EYS: variants seen among roughly 807,000 people sequenced by gnomAD.
EYS encodes EGF-like photoreceptor maintenance factor.
EYS carries 250 observed loss-of-function variants against 282.1 expected under a neutral mutation model. That is an observed-to-expected ratio of 0.89 (90% CI 0.80 to 0.98). The LOEUF is 0.98. Among genes scored for constraint, EYS ranks in the 50% least tolerant of loss-of-function variants. The pLI, the probability that EYS is intolerant of heterozygous loss-of-function variation, is 0.00. For synonymous variants in EYS, 1,355 were observed against 1,282.9 expected, an observed-to-expected ratio of 1.06 and a Z score of -1.20; for missense variants, 4,016 against 3,709.0, an observed-to-expected ratio of 1.08 and a Z score of -2.15.
chr6:65,289,684 C>T (rs1246804040), intron 12 of EYS, among the ~76,000 whole-genome samples: 1 of 151,114 alleles, frequency 6.6e-6, no homozygotes, highest in Non-Finnish European at 1.5e-5. Context: ...TCCAACATTC[C>T]TAACTCCTTC....
At chr6:65,181,188 A>G (rs1251875209) in intron 12 of EYS, among the ~76,000 whole-genome samples, 1 of 152,182 alleles carries the variant, frequency 6.6e-6, no homozygotes, top group African/African-American at 2.4e-5. Context: ...AATGGCAACA[A>G]AAGCCAAAAT....
intron 29 of EYS, among the ~76,000 whole-genome samples, chr6:64,320,599 T>C (rs1384208670): frequency 6.6e-6 from 1 of 151,758 alleles, no homozygotes; most frequent in African/African-American, 2.4e-5. Flanking sequence ...TTTTCTTCAG[T>C]CCTTAGACAA....
intron 8 of EYS, among the ~76,000 whole-genome samples, chr6:65,370,793 T>C (rs1488514523): frequency 6.6e-6 from 1 of 151,936 alleles, no homozygotes; most frequent in African/African-American, 2.4e-5. Flanking sequence ...TCCCTCCAAA[T>C]AGGGTTCCAC....
At chr6:64,975,263 ATTAAT>A (rs1001109270) in intron 14 of EYS, among the ~76,000 whole-genome samples, 5 of 151,812 alleles carry the variant, frequency 3.3e-5, no homozygotes, top group African/African-American at 1.2e-4. Flanking sequence ...ACCCGCCTGT[ATTAAT>A]TTATGTGCAA....
At chr6:63,750,096 G>GT (rs1769306103) in intron 41 of EYS, among the ~76,000 whole-genome samples, 1 of 152,060 alleles carries the variant, frequency 6.6e-6, no homozygotes, top group Non-Finnish European at 1.5e-5. Context: ...ATAGGTTTCT[G>GT]TTTTTTAATA....
intron 19 of EYS, among the ~76,000 whole-genome samples, chr6:64,836,758 A>G (rs962226403): frequency 6.6e-6 from 1 of 151,674 alleles, no homozygotes; most frequent in African/African-American, 2.4e-5. Context: ...GAGCAATTTT[A>G]GTGAAATGCT....
At chr6:63,930,922 G>A (rs187108369) in intron 35 of EYS, among the ~76,000 whole-genome samples, 1 of 152,268 alleles carries the variant, frequency 6.6e-6, no homozygotes, top group African/African-American at 2.4e-5. Flanking sequence ...GCATTTCCTT[G>A]AGTCTTTCTA....
intron 22 of EYS, among the ~76,000 whole-genome samples, chr6:64,685,504 CTG>C (rs1315138476): frequency 1.3e-5 from 2 of 152,038 alleles, no homozygotes; most frequent in African/African-American, 4.8e-5. Context: ...AGTTCCAACT[CTG>C]TAGTTTCCAG....
chr6:63,792,191 C>A (rs939680736), intron 37 of EYS, among the ~76,000 whole-genome samples: 2 of 151,654 alleles, frequency 1.3e-5, no homozygotes, highest in African/African-American at 4.8e-5. Flanking sequence ...ACTGGGGATG[C>A]ACCAAGAGGA....
chr6:63,934,951 G>T (rs558913565), intron 35 of EYS, among the ~76,000 whole-genome samples: 6 of 152,150 alleles, frequency 3.9e-5, no homozygotes, highest in African/African-American at 1.4e-4. Flanking sequence ...AAAACTACCT[G>T]CTTTTTTTCT....
intron 12 of EYS, among the ~76,000 whole-genome samples, chr6:65,244,140 G>T (rs1228580212): frequency 1.3e-5 from 2 of 152,150 alleles, no homozygotes; most frequent in Non-Finnish European, 2.9e-5. Flanking sequence ...AGATTTTCCA[G>T]TTAGGCTTGT....
chr6:63,924,212 G>A (rs1052156318), intron 35 of EYS, among the ~76,000 whole-genome samples: 1 of 152,192 alleles, frequency 6.6e-6, no homozygotes, highest in Non-Finnish European at 1.5e-5. Flanking sequence ...TTTCTAAAAT[G>A]TGAAATGATG....
chr6:65,362,551 T>C lies in EYS; in HGVS notation c.1300-8934A>G, dbSNP rs951118644. 4.0e-5 allele frequency among the ~76,000 whole-genome samples: 6 copies of C among 151,810 alleles called. No homozygotes were observed. The Admixed American group carries it at 4.0e-4, about 10-fold the overall frequency. Reference sequence around the variant, plus strand: ...CATTACATATATGCATATATGTATGTATACACATTACACATTATTATATAT... The same window carrying C: ...CATTACATATATGCATATATGTATGCATACACATTACACATTATTATATAT... On this transcript the variant is annotated intron_variant, in intron 8 of 42. Transcript: ENST00000503581.
chr6:64,565,431 G>C (rs9452003), intron 26 of EYS, among the ~76,000 whole-genome samples: 85,044 of 151,874 alleles, frequency 0.56, 23,905 homozygotes, highest in South Asian at 0.65. Flanking sequence ...TGGAATACTA[G>C]TTTTTTTAAA....
chr6:64,115,774 A>G (rs1773361541), intron 31 of EYS, among the ~76,000 whole-genome samples: 1 of 152,214 alleles, frequency 6.6e-6, no homozygotes, highest in African/African-American at 2.4e-5. Flanking sequence ...GATGATAAAT[A>G]AAAATCAAAG....
intron 22 of EYS, among the ~76,000 whole-genome samples, chr6:64,768,859 G>T (rs928021563): frequency 3.3e-5 from 5 of 152,100 alleles, no homozygotes; most frequent in Non-Finnish European, 5.9e-5. Flanking sequence ...TCATGTCTGT[G>T]AAGGCAGCAG....
chr6:65,132,795 T>C, intron 12 of EYS, among the ~76,000 whole-genome samples: 1 of 151,998 alleles, frequency 6.6e-6, no homozygotes, highest in East Asian at 1.9e-4. Flanking sequence ...GTCAACATAA[T>C]TCTATATCTA....
At chr6:65,705,217 A>G (rs1769832521) in intron 1 of EYS, among the ~76,000 whole-genome samples, 1 of 152,186 alleles carries the variant, frequency 6.6e-6, no homozygotes, top group African/African-American at 2.4e-5. Flanking sequence ...TAGGGCACTC[A>G]CAGGGAGCAA....
At chr6:64,875,347 G>A (rs1766713483) in intron 19 of EYS, among the ~76,000 whole-genome samples, 1 of 151,980 alleles carries the variant, frequency 6.6e-6, no homozygotes, top group Non-Finnish European at 1.5e-5. Flanking sequence ...GAATTATTGA[G>A]CTTTTGTGAT....
Sources: allele counts gnomAD v4.1 joint callset (sites outside exome capture counted in the v4.1 genomes callset), GRCh38; gene constraint gnomAD v4.1.1; transcripts MANE v1.5; gene names NCBI Gene and HGNC (gene_info 2026-07-23, HGNC 2026-07-21).